PCDHGB2: variants seen among roughly 807,000 people sequenced by gnomAD.
PCDHGB2 encodes the protein protocadherin gamma-B2.
In PCDHGB2, 55 loss-of-function variants were observed where a neutral mutation model predicts 59.3. That is an observed-to-expected ratio of 0.93 (90% CI 0.75 to 1.16). The LOEUF (loss-of-function observed/expected upper bound fraction) is 1.16. Among genes scored for constraint, PCDHGB2 ranks in the 50% most tolerant of loss-of-function variants. The probability of loss-of-function intolerance (pLI) is 0.00; values close to 1 mark genes in which losing one functional copy is unlikely to be tolerated. For missense variants in PCDHGB2, 1,228 were observed against 1,198.5 expected (o/e 1.02, Z -0.36); for synonymous variants, 516 against 512.0 (o/e 1.01, Z -0.11).
At chr5:141,401,129 G>A (rs1327832164) in intron 1 of PCDHGB2, among the ~76,000 whole-genome samples, 3 of 152,168 alleles carry the variant, frequency 2.0e-5, no homozygotes, top group African/African-American at 7.2e-5. Context: ...GGATCACATG[G>A]TCAGGAGTTC....
chr5:141,415,484 G>C (rs369349538), intron 1 of PCDHGB2: 18 of 1,614,102 alleles, frequency 1.1e-5, no homozygotes, highest in Non-Finnish European at 1.5e-5. Flanking sequence ...TCGCGAAAGA[G>C]TCACCTGATC....
At chr5:141,365,829 C>A in intron 1 of PCDHGB2, 1 of 1,613,964 alleles carries the variant, frequency 6.2e-7, no homozygotes, top group Non-Finnish European at 8.5e-7. Flanking sequence ...CAGGGGGCGC[C>A]CTTGTCCTCC....
chr5:141,389,767 G>C, intron 1 of PCDHGB2: 2 of 1,613,028 alleles, frequency 1.2e-6, no homozygotes, highest in Non-Finnish European at 8.5e-7. Context: ...CGCACAGCGC[G>C]TGCCTTAGGC....
chr5:141,460,792 A>T (rs1028557260), intron 1 of PCDHGB2, among the ~76,000 whole-genome samples: 30 of 152,012 alleles, frequency 2.0e-4, no homozygotes, highest in Non-Finnish European at 2.9e-5. Context: ...ATATACACAC[A>T]AAGTATATAT....
At chr5:141,364,881 G>A (rs1274418788) in intron 1 of PCDHGB2, 2 of 1,613,898 alleles carry the variant, frequency 1.2e-6, no homozygotes, top group Admixed American at 1.7e-5. Context: ...GATGTGGTAA[G>A]CGGAACTGAT....
At chr5:141,387,772 T>G in intron 1 of PCDHGB2, 1 of 1,442,780 alleles carries the variant, frequency 6.9e-7, no homozygotes, top group Non-Finnish European at 9.2e-7. Flanking sequence ...GAATTTTTTC[T>G]TGAACTGGAA....
intron 1 of PCDHGB2, among the ~76,000 whole-genome samples, chr5:141,481,675 C>T (rs943204061): frequency 4.0e-5 from 6 of 151,490 alleles, no homozygotes; most frequent in Non-Finnish European, 5.9e-5. Context: ...AAAATCAGGC[C>T]GGGCCTGGTG....
chr5:141,365,804 G>T, intron 1 of PCDHGB2: 1 of 1,613,872 alleles, frequency 6.2e-7, no homozygotes, highest in African/African-American at 1.3e-5. Context: ...CTACTCCCTG[G>T]CTGAAGACAC....
At chr5:141,383,946 G>A (rs1023403145) in intron 1 of PCDHGB2, 3 of 1,613,696 alleles carry the variant, frequency 1.9e-6, no homozygotes, top group Non-Finnish European at 2.5e-6. Flanking sequence ...AAGTGACTAT[G>A]ACGTCTTTAA....
Position 141,412,258 on chromosome 5 carries a change from C to T in PCDHGB2, c.2421+49702C>T, listed in dbSNP as rs569698099. 5.8e-4 allele frequency: 88 copies of T among 152,314 alleles called. 1 individual carries two copies. The highest frequency in any genetic ancestry group is 2.0e-3 in the African/African-American group (83 of 41,568). 9.4% of individuals were successfully genotyped at this position (152,314 alleles called of 1,614,324 possible). On this transcript the variant is annotated intron_variant, in intron 1 of 3. Transcript: ENST00000522605. Reference sequence around the variant, plus strand: ...ATATCACTACATCTAACTTTGTTTTCTAAAACTTTTAGTACTTCAAATTCT... The same window carrying T: ...ATATCACTACATCTAACTTTGTTTTTTAAAACTTTTAGTACTTCAAATTCT...
chr5:141,509,575 T>C (rs186302231), intron 3 of PCDHGB2, among the ~76,000 whole-genome samples: 153 of 152,320 alleles, frequency 1.0e-3, no homozygotes, highest in African/African-American at 3.7e-3. Flanking sequence ...TCACAGTGCG[T>C]ACAAATCAGC....
In PCDHGB2 at chr5:141,476,335, C is replaced by A; in HGVS notation, c.2422-18472C>A. On this transcript the variant is annotated intron_variant, in intron 1 of 3. Coordinates refer to ENST00000522605, the MANE Select transcript of PCDHGB2 (RefSeq NM_018923.3). The surrounding 1 kb of genome is among the most constrained non-coding windows in gnomAD (Gnocchi z 7.6). Reference sequence around the variant, plus strand: ...GGTTCCGGGTGGTGTCTGGAGCTAGCCGAAGATTCTTTGAGGTGAACCGGG... The same window carrying A: ...GGTTCCGGGTGGTGTCTGGAGCTAGACGAAGATTCTTTGAGGTGAACCGGG... 2 of 1,614,120 alleles carry A rather than the reference C, an allele frequency of 1.2e-6. No individual in the cohort carries two copies. Among genetic ancestry groups the A allele is most frequent in the Non-Finnish European group, 1.7e-6 (2 of 1,180,026 alleles).
intron 1 of PCDHGB2, among the ~76,000 whole-genome samples, chr5:141,494,146 T>C (rs1167835696): frequency 1.3e-5 from 2 of 152,168 alleles, no homozygotes; most frequent in Non-Finnish European, 2.9e-5. Context: ...TCACAGACCA[T>C]TGTCTGGCAC....
intron 1 of PCDHGB2, chr5:141,370,454 C>A: frequency 6.2e-7 from 1 of 1,611,484 alleles, no homozygotes; most frequent in Non-Finnish European, 8.5e-7. Context: ...TATTTCTCTT[C>A]CTGCTCTCTT....
intron 1 of PCDHGB2, among the ~76,000 whole-genome samples, chr5:141,474,379 T>A (rs1451968368): frequency 6.6e-6 from 1 of 152,208 alleles, no homozygotes; most frequent in Non-Finnish European, 1.5e-5. Flanking sequence ...GAGGAGGGCA[T>A]TTCTGCATTT....
Position 141,476,035 on chromosome 5 carries a change from C to A in PCDHGB2, c.2422-18772C>A. On this transcript the variant is annotated intron_variant, in intron 1 of 3. Coordinates refer to ENST00000522605, the MANE Select transcript of PCDHGB2 (RefSeq NM_018923.3). This position sits in a 1 kb window ranked among gnomAD's most constrained non-coding sequence, Gnocchi z 7.6. ...CATGTCGGACTCGGCGCCCAGCGCCCAAGCGCTAACCCGCTGAAAGTTTCT... is the reference window on the plus strand; with the variant it reads ...CATGTCGGACTCGGCGCCCAGCGCCAAAGCGCTAACCCGCTGAAAGTTTCT... The A allele has an allele frequency of 1.4e-6, 2 of 1,466,592 alleles. No individual in the cohort carries two copies. The highest frequency in any genetic ancestry group is 1.8e-6 in the Non-Finnish European group (2 of 1,102,494). 90.8% of individuals were successfully genotyped at this position (1,466,592 alleles called of 1,614,324 possible). A position where few individuals can be genotyped will look rare whatever the true frequency, so the allele number is the denominator to read the frequency against.
chr5:141,480,021 C>G (rs1415230863), intron 1 of PCDHGB2, among the ~76,000 whole-genome samples: 1 of 152,208 alleles, frequency 6.6e-6, no homozygotes, highest in Non-Finnish European at 1.5e-5. Context: ...AATCTCCTTT[C>G]TAAGCCTCTT....
At chr5:141,375,211 T>A in intron 1 of PCDHGB2, 1 of 1,614,010 alleles carries the variant, frequency 6.2e-7, no homozygotes, top group South Asian at 1.1e-5. Context: ...ATCGAGACTC[T>A]GGCCTGAATG....
chr5:141,455,343 G>A (rs1462807460), intron 1 of PCDHGB2, among the ~76,000 whole-genome samples: 1 of 152,036 alleles, frequency 6.6e-6, no homozygotes, highest in African/African-American at 2.4e-5. Flanking sequence ...TTTAAGGAGC[G>A]GAGAGTTTAA....
Sources: gnomAD v4.1 joint callset for allele counts (sites outside exome capture counted in the v4.1 genomes callset) on GRCh38, gnomAD v4.1.1 for gene constraint, Gnocchi (gnomAD v3.1) non-coding constraint, MANE v1.5 for transcripts, NCBI Gene and HGNC (gene_info 2026-07-23, HGNC 2026-07-21) for gene names.